CFI: variants seen among roughly 807,000 people sequenced by gnomAD.
CFI encodes C3B/C4B inactivator.
CFI carries 66 observed loss-of-function variants against 78.8 expected under a neutral mutation model. That is an observed-to-expected ratio of 0.84 (90% CI 0.69 to 1.03). The LOEUF is 1.03. Ranked by LOEUF, CFI falls within the 50% of genes least tolerant of loss-of-function variation. The pLI is 0.00. For missense variants in CFI, 706 were observed against 704.5 expected, an observed-to-expected ratio of 1.00 and a Z score of -0.02; for synonymous variants, 250 against 232.6, an observed-to-expected ratio of 1.07 and a Z score of -0.68.
chr4:109,749,377 C>T (rs1170466992), intron 9 of CFI, 56 bp from the exon 10 acceptor site: 1 of 1,531,340 alleles, frequency 6.5e-7, no homozygotes, highest in Admixed American at 1.7e-5. Flanking sequence ...ATACAAACAG[C>T]CCTAAGATAT....
intron 11 of CFI, among the ~76,000 whole-genome samples, chr4:109,744,902 TA>T (rs1158420007): frequency 6.6e-6 from 1 of 152,140 alleles, no homozygotes; most frequent in Non-Finnish European, 1.5e-5. Flanking sequence ...ATAAAAGATT[TA>T]AAAAAACAGA....
chr4:109,747,871 G>C (rs1724673779), intron 10 of CFI, among the ~76,000 whole-genome samples: 2 of 152,176 alleles, frequency 1.3e-5, no homozygotes, highest in East Asian at 3.9e-4. Context: ...GGATTGCACA[G>C]CCTAGATCCT....
At chr4:109,778,081 G>A (rs1419521296) in intron 1 of CFI, among the ~76,000 whole-genome samples, 1 of 152,102 alleles carries the variant, frequency 6.6e-6, no homozygotes, top group Non-Finnish European at 1.5e-5. Flanking sequence ...AACTAGAGAA[G>A]CAAGAGCAAA....
intron 11 of CFI, among the ~76,000 whole-genome samples, chr4:109,743,984 C>CAA (rs879647278): frequency 1.4e-5 from 2 of 142,838 alleles, no homozygotes; most frequent in Non-Finnish European, 3.1e-5. Context: ...GACCCTGTCT[C>CAA]AAAAAAAAAA....
rs1579162000 is a variant in CFI at position 109,745,359 on chromosome 4, T to C, written c.1429+863A>G. 2.0e-5 allele frequency among the ~76,000 whole-genome samples: 3 copies of C among 152,016 alleles called. No individual in the cohort carries two copies. The East Asian group carries it at 5.8e-4, about 29-fold the overall frequency. On this transcript the variant is annotated intron_variant, in intron 11 of 12. Transcript: ENST00000394634. Reference sequence around the variant, plus strand: ...GTACACACCATCACATCCAGCTAATTTCTAAATTTTTGGTAGAGACAGTGT... The same window carrying C: ...GTACACACCATCACATCCAGCTAATCTCTAAATTTTTGGTAGAGACAGTGT...
chr4:109,780,824 T>A (rs6533460), intron 1 of CFI, among the ~76,000 whole-genome samples: 148,224 of 152,278 alleles, frequency 0.97, 72,257 homozygotes, highest in East Asian at 1. Flanking sequence ...GCCATAAAAA[T>A]TGATGAGTTC....
At chr4:109,767,294 A>T (rs559838881) in intron 1 of CFI, among the ~76,000 whole-genome samples, 1 of 152,178 alleles carries the variant, frequency 6.6e-6, no homozygotes, top group Non-Finnish European at 1.5e-5. Flanking sequence ...ATCTAATTAA[A>T]CTAAAGAGCT....
At chr4:109,747,734 T>C (rs887597259) in intron 10 of CFI, among the ~76,000 whole-genome samples, 3 of 152,190 alleles carry the variant, frequency 2.0e-5, no homozygotes, top group Non-Finnish European at 2.9e-5. Flanking sequence ...CTCAACCTTT[T>C]TGGCACCAGG....
chr4:109,762,543 G>A (rs974280801), intron 3 of CFI: 3 of 151,904 alleles, frequency 2.0e-5, no homozygotes, highest in African/African-American at 4.8e-5. Context: ...AAGTAAATGG[G>A]GAAAATAGGT....
chr4:109,745,582 G>C (rs1007253135), intron 11 of CFI, among the ~76,000 whole-genome samples: 1 of 152,092 alleles, frequency 6.6e-6, no homozygotes, highest in Non-Finnish European at 1.5e-5. Context: ...TCTTTTATTC[G>C]TATGAAGTGT....
chr4:109,738,949 G>T (rs966230307), downstream of CFI, among the ~76,000 whole-genome samples: 1 of 152,142 alleles, frequency 6.6e-6, no homozygotes, highest in African/African-American at 2.4e-5. Context: ...GTGAGTTATT[G>T]TTTAATAGAT....
chr4:109,782,282 A>C (rs116381013), intron 1 of CFI, among the ~76,000 whole-genome samples: 9 of 152,070 alleles, frequency 5.9e-5, no homozygotes, highest in Admixed American at 2.0e-4. Context: ...AACCCTAAAG[A>C]CTCCTCCAGA....
intron 5 of CFI, 37 bp downstream of exon 5, chr4:109,760,486 T>G (rs376590059): frequency 6.7e-7 from 1 of 1,491,208 alleles, no homozygotes; most frequent in Non-Finnish European, 9.4e-7. Flanking sequence ...GTCAGAAAAA[T>G]GAATTTAGAG....
At chr4:109,764,118 A>T (rs1023627401) in intron 3 of CFI, among the ~76,000 whole-genome samples, 1 of 150,654 alleles carries the variant, frequency 6.6e-6, no homozygotes, top group African/African-American at 2.4e-5. Context: ...CTAACTATAT[A>T]GTTTATACTA....
chr4:109,773,270 G>GT (rs1412812511), intron 1 of CFI, among the ~76,000 whole-genome samples: 1 of 152,196 alleles, frequency 6.6e-6, no homozygotes, highest in Non-Finnish European at 1.5e-5. Context: ...GCTTACGCCT[G>GT]TAATCCCAGC....
chr4:109,778,807 G>T (rs1355027273), intron 1 of CFI, among the ~76,000 whole-genome samples: 1 of 152,114 alleles, frequency 6.6e-6, no homozygotes, highest in African/African-American at 2.4e-5. Context: ...TTCATCCCTG[G>T]GATGCAAGGC....
At chr4:109,733,058 G>A in the CFI span, among the ~76,000 whole-genome samples, 3 of 151,098 alleles carry the variant, frequency 2.0e-5, no homozygotes, top group African/African-American at 4.9e-5. Flanking sequence ...TGCAACCTCC[G>A]CCTCCCAGGT....
intron 7 of CFI, among the ~76,000 whole-genome samples, chr4:109,757,057 C>T (rs1417798816): frequency 6.6e-6 from 1 of 151,926 alleles, no homozygotes; most frequent in East Asian, 1.9e-4. Flanking sequence ...TTACATGACT[C>T]CAGCTCTGTC....
chr4:109,752,367 A>C, intron 8 of CFI, 101 bp downstream of exon 8: 3 of 1,049,954 alleles, frequency 2.9e-6, no homozygotes, highest in Non-Finnish European at 4.4e-6. Context: ...AATTGATACC[A>C]AAACTACTTG....
Sources: allele counts gnomAD v4.1 joint callset (sites outside exome capture counted in the v4.1 genomes callset), GRCh38; gene constraint gnomAD v4.1.1; transcripts MANE v1.5; gene names NCBI Gene and HGNC (gene_info 2026-07-23, HGNC 2026-07-21).